RANBP2: variants seen among roughly 807,000 people sequenced by gnomAD.
RANBP2 encodes the protein RAN binding protein 2.
A neutral mutation model predicts 303.6 loss-of-function variants in RANBP2; 57 were observed. The observed-to-expected ratio is 0.19, with a 90% CI of 0.15 to 0.23. The LOEUF is 0.23. Ranked by LOEUF, RANBP2 falls within the 10% of genes least tolerant of loss-of-function variation. The pLI, the probability that RANBP2 is intolerant of heterozygous loss-of-function variation, is 1.00. For synonymous variants in RANBP2, 1,167 were observed against 1,301.5 expected (o/e 0.90, Z 2.23); for missense variants, 3,138 against 3,780.8 (o/e 0.83, Z 4.46).
the RANBP2 span, among the ~76,000 whole-genome samples, chr2:109,376,887 A>G: frequency 6.6e-6 from 1 of 152,230 alleles, no homozygotes; most frequent in African/African-American, 2.4e-5. Context: ...CTAAGTTTCC[A>G]TGGTGAACAG....
the RANBP2 span, among the ~76,000 whole-genome samples, chr2:109,336,527 C>T: frequency 3.7e-4 from 57 of 152,222 alleles, no homozygotes; most frequent in African/African-American, 1.2e-3. Context: ...CCGTGTACCC[C>T]GCAGGCTGCT....
the RANBP2 span, among the ~76,000 whole-genome samples, chr2:109,283,064 G>T: frequency 6.6e-6 from 1 of 152,234 alleles, no homozygotes; most frequent in African/African-American, 2.4e-5. Flanking sequence ...GTAAGTCCAG[G>T]CTTGGCCAGG....
At chr2:109,716,118 C>T in the RANBP2 span, among the ~76,000 whole-genome samples, 11 of 152,096 alleles carry the variant, frequency 7.2e-5, no homozygotes, top group Admixed American at 2.0e-4. Flanking sequence ...GAGAGGGTCG[C>T]ATGACTGAAT....
At chr2:109,131,371 A>G in the RANBP2 span, among the ~76,000 whole-genome samples, 1 of 152,162 alleles carries the variant, frequency 6.6e-6, no homozygotes, top group Non-Finnish European at 1.5e-5. Flanking sequence ...AAATCCAGCT[A>G]AATGCTTGCG....
the RANBP2 span, among the ~76,000 whole-genome samples, chr2:109,597,880 T>A: frequency 5.9e-5 from 9 of 152,088 alleles, no homozygotes; most frequent in Admixed American, 1.3e-4. Flanking sequence ...CCTTGGGAAA[T>A]ATGGCCTTTT....
chr2:108,912,563 G>A, the RANBP2 span: 2 of 985,542 alleles, frequency 2.0e-6, no homozygotes, highest in Non-Finnish European at 3.1e-6. Flanking sequence ...GGGAGGTGAG[G>A]CCAGGTGGGG....
At chr2:109,143,768 AAAC>A in the RANBP2 span, among the ~76,000 whole-genome samples, 1 of 44,202 alleles carries the variant, frequency 2.3e-5, no homozygotes, top group Non-Finnish European at 1.2e-4. Flanking sequence ...AAAACAAAAC[AAAC>A]AAACAAACAA....
chr2:108,741,475 C>T (rs1354856637), intron 7 of RANBP2, among the ~76,000 whole-genome samples: 9 of 136,652 alleles, frequency 6.6e-5, no homozygotes, highest in South Asian at 5.2e-4. Flanking sequence ...GGATTACAGG[C>T]GCAAGCCACT....
At chr2:109,138,457 C>A in the RANBP2 span, among the ~76,000 whole-genome samples, 1 of 152,218 alleles carries the variant, frequency 6.6e-6, no homozygotes, top group East Asian at 1.9e-4. Context: ...GCTGGGACTT[C>A]AAGGCTGTTG....
At chr2:109,709,307 AAAAAT>A in the RANBP2 span, among the ~76,000 whole-genome samples, 15,237 of 127,460 alleles carry the variant, frequency 0.12, 1,194 homozygotes, top group African/African-American at 0.22. Context: ...ACTGTGTCTC[AAAAAT>A]AAAATAAAAT....
At chr2:109,510,758 C>T in the RANBP2 span, among the ~76,000 whole-genome samples, 1 of 152,312 alleles carries the variant, frequency 6.6e-6, no homozygotes, top group Non-Finnish European at 1.5e-5. Context: ...TGGCCTCCTC[C>T]AGCTAAAGCC....
At chr2:108,940,380 T>C in the RANBP2 span, 10 of 152,384 alleles carry the variant, frequency 6.6e-5, no homozygotes, top group Non-Finnish European at 1.3e-4. Context: ...AAAGCACGTG[T>C]GGCTCCTCCA....
the RANBP2 span, among the ~76,000 whole-genome samples, chr2:109,524,398 T>C: frequency 1.5e-5 from 2 of 137,560 alleles, no homozygotes; most frequent in Admixed American, 8.2e-5. Context: ...TCTGTGAATA[T>C]CAGCTCCTGC....
At chr2:109,407,332 T>A in the RANBP2 span, among the ~76,000 whole-genome samples, 1 of 152,212 alleles carries the variant, frequency 6.6e-6, no homozygotes, top group East Asian at 1.9e-4. Flanking sequence ...AGACAGCATT[T>A]CTCAAGTCTC....
the RANBP2 span, among the ~76,000 whole-genome samples, chr2:109,140,677 G>A: frequency 1.2e-3 from 184 of 152,192 alleles, no homozygotes; most frequent in South Asian, 5.0e-3. Context: ...CACCATGCCC[G>A]GCCAATTTCA....
the RANBP2 span, among the ~76,000 whole-genome samples, chr2:108,860,498 G>A: frequency 2.0e-5 from 3 of 151,186 alleles, no homozygotes; most frequent in Non-Finnish European, 4.4e-5. Context: ...TTATTTCAAT[G>A]CCTAGGTTGT....
the RANBP2 span, chr2:109,733,044 CAAG>C: frequency 8.8e-5 from 50 of 565,378 alleles, 2 homozygotes; most frequent in South Asian, 6.6e-4. Flanking sequence ...CGCAGACCTC[CAAG>C]AAGGAGAAAC....
chr2:109,037,615 G>A, the RANBP2 span, among the ~76,000 whole-genome samples: 3 of 152,016 alleles, frequency 2.0e-5, no homozygotes, highest in Admixed American at 6.6e-5. Context: ...AGGTAGCAGG[G>A]TACAATAGCA....
At chr2:109,474,102 C>T in the RANBP2 span, among the ~76,000 whole-genome samples, 65 of 152,050 alleles carry the variant, frequency 4.3e-4, no homozygotes, top group Non-Finnish European at 6.8e-4. Context: ...CAGTCTGGGC[C>T]GGGCTGAGGA....
Sources: allele counts gnomAD v4.1 joint callset (sites outside exome capture counted in the v4.1 genomes callset), GRCh38; gene constraint gnomAD v4.1.1; transcripts MANE v1.5; gene names NCBI Gene and HGNC (gene_info 2026-07-23, HGNC 2026-07-21).